Variants in ARHGEF11 observed in about 807,000 individuals in gnomAD.
ARHGEF11 encodes the protein Rho guanine nucleotide exchange factor 11, also known as Rho guanine exchange factor (GEF) 11.
ARHGEF11 carries 55 observed loss-of-function variants against 193.7 expected under a neutral mutation model. That is an observed-to-expected ratio of 0.28 (90% CI 0.23 to 0.36). The LOEUF (loss-of-function observed/expected upper bound fraction) is 0.36. Among genes scored for constraint, ARHGEF11 ranks in the 10% least tolerant of loss-of-function variants. ARHGEF11 has a pLI of 1.00. For missense variants in ARHGEF11, 1,723 were observed against 2,005.6 expected (o/e 0.86, Z 2.69); for synonymous variants, 693 against 768.0 (o/e 0.90, Z 1.62).
intron 1 of ARHGEF11, among the ~76,000 whole-genome samples, chr1:157,012,983 G>A (rs1472896183): frequency 3.3e-5 from 5 of 152,108 alleles, no homozygotes; most frequent in Admixed American, 2.0e-4. Flanking sequence ...GTGCAAAGTC[G>A]TTGCAGGTCT....
chr1:156,937,012 G>T lies in ARHGEF11; in HGVS notation c.4441-7C>A. On this transcript the variant is annotated splice_polypyrimidine_tract_variant and splice_region_variant and intron_variant, in intron 39 of 40. Transcript: ENST00000368194. The stretch of plus-strand genomic sequence containing the variant: ...TGTGGGCCAGCTCCATATCCTGGAA[G>T]AGTCGGCGGGGGAATGTCTGCTCGA... 2 of 1,610,902 alleles carry T rather than the reference G, an allele frequency of 1.2e-6. No homozygotes were observed. Among genetic ancestry groups the T allele is most frequent in the Non-Finnish European group, 8.5e-7 (1 of 1,177,360 alleles).
At chr1:156,953,920 G>A (rs567504884) in intron 21 of ARHGEF11, among the ~76,000 whole-genome samples, 1 of 152,284 alleles carries the variant, frequency 6.6e-6, no homozygotes, top group East Asian at 1.9e-4. Flanking sequence ...GTTATACAGT[G>A]CTGGCAGTCA....
chr1:156,961,353 T>C (rs996380130), intron 14 of ARHGEF11, among the ~76,000 whole-genome samples: 3 of 152,216 alleles, frequency 2.0e-5, no homozygotes, highest in African/African-American at 7.2e-5. Flanking sequence ...CCTCTGTTTC[T>C]TCGGCCTAGG....
chr1:156,963,040 C>G (rs996993530), intron 13 of ARHGEF11, among the ~76,000 whole-genome samples, 163 bp downstream of exon 13: 3 of 152,128 alleles, frequency 2.0e-5, no homozygotes, highest in African/African-American at 7.2e-5. Flanking sequence ...GAAAAATCCC[C>G]TCTCCATAGG....
chr1:156,940,964 C>G (rs1376260869), intron 35 of ARHGEF11, among the ~76,000 whole-genome samples: 2 of 152,194 alleles, frequency 1.3e-5, no homozygotes, highest in Non-Finnish European at 2.9e-5. Flanking sequence ...CCAATCCCAT[C>G]ACAGTAACTG....
At chr1:156,971,619 C>G in intron 8 of ARHGEF11, 78 bp downstream of exon 8, 1 of 1,532,750 alleles carries the variant, frequency 6.5e-7, no homozygotes, top group African/African-American at 1.4e-5. Context: ...AAGAAGCCTT[C>G]TGTCCTTGCT....
chr1:157,027,358 G>A (rs1670772049), intron 1 of ARHGEF11, among the ~76,000 whole-genome samples: 1 of 152,134 alleles, frequency 6.6e-6, no homozygotes, highest in Admixed American at 6.6e-5. Context: ...CTCCAGTCTG[G>A]GTGACAGAGT....
In ARHGEF11 at chr1:156,939,559, A is replaced by C. The variant is rs1656339508; in HGVS notation, c.4085T>G (p.Val1362Gly). 1 of 1,611,316 alleles carries C rather than the reference A, an allele frequency of 6.2e-7. No homozygotes were observed. Among genetic ancestry groups the C allele is most frequent in the African/African-American group, 1.3e-5 (1 of 74,818 alleles). ...CCCATTTATTTTACCTTTTCTCACA[A>C]CTTTGTAACCTCCTGCTGCCTCTGT... ...SSTEAAGGYK[V>G]VRKAEVAGSK... The change falls in exon 37 of 41, where the codon GTT becomes GGT. Residue 1362 changes from valine (V) to glycine (G), a missense_variant. Transcript: ENST00000368194.
intron 1 of ARHGEF11, among the ~76,000 whole-genome samples, chr1:156,989,408 G>A (rs1417641778): frequency 1.3e-5 from 2 of 152,030 alleles, no homozygotes; most frequent in African/African-American, 2.4e-5. Flanking sequence ...CACCACCACA[G>A]ACTAACTTAC....
chr1:156,988,718 T>G (rs547088693), intron 1 of ARHGEF11, among the ~76,000 whole-genome samples: 1 of 152,256 alleles, frequency 6.6e-6, no homozygotes, highest in African/African-American at 2.4e-5. Context: ...ACCAAAAGTT[T>G]CTCTAAAATA....
chr1:157,043,981 C>G (rs529916506), intron 1 of ARHGEF11, among the ~76,000 whole-genome samples: 1 of 152,320 alleles, frequency 6.6e-6, no homozygotes, highest in Admixed American at 6.5e-5. Flanking sequence ...CTTGCCCCCA[C>G]CTGAGACTAG....
In ARHGEF11 at chr1:157,045,361, A is replaced by T. The variant is rs1673210081; in HGVS notation, c.-1031T>A. On this transcript the variant is annotated 5_prime_UTR_variant, in exon 1 of 41. Transcript: ENST00000368194. ...TCTTGCCTCAGCCTCCATGAAACGG[A>T]GATTTCGCTTCCTCCCGTTCCCCCT... 1 of 152,252 alleles carries T rather than the reference A, an allele frequency of 6.6e-6. No individual in the cohort carries two copies. Among genetic ancestry groups the T allele is most frequent in the African/African-American group, 2.4e-5 (1 of 41,420 alleles). 9.4% of individuals were successfully genotyped at this position (152,252 alleles called of 1,614,324 possible). A position where few individuals can be genotyped will look rare whatever the true frequency, so the allele number is the denominator to read the frequency against.
rs574887302 is a variant in ARHGEF11, at chr1:156,948,089, A to G, written c.2153+92T>C. ...AGTGGGCCCAGAAGAGGAGACAGCC[A>G]CCCAACCAGCCCCTTGCAGGTGAGA... On this transcript the variant is annotated intron_variant, in intron 24 of 40. Transcript: ENST00000368194. This position sits in a 1 kb window ranked among gnomAD's most constrained non-coding sequence, Gnocchi z 4.2. The G allele has an allele frequency of 6.5e-7, 1 of 1,538,400 alleles. No individual in the cohort carries two copies. Among genetic ancestry groups the G allele is most frequent in the East Asian group, 2.3e-5 (1 of 43,934 alleles).
intron 1 of ARHGEF11, among the ~76,000 whole-genome samples, chr1:157,003,152 T>C (rs999764089): frequency 1.3e-5 from 2 of 152,230 alleles, no homozygotes; most frequent in African/African-American, 4.8e-5. Flanking sequence ...AATGTTGCCA[T>C]TTTACAGATA....
chr1:157,043,959 T>C (rs1315632146), intron 1 of ARHGEF11, among the ~76,000 whole-genome samples: 1 of 152,110 alleles, frequency 6.6e-6, no homozygotes, highest in African/African-American at 2.4e-5. Flanking sequence ...CCCTAGGAGC[T>C]CACAAGACTG....
At chr1:157,017,742 AGAG>A (rs1274741556) in intron 1 of ARHGEF11, among the ~76,000 whole-genome samples, 1 of 151,214 alleles carries the variant, frequency 6.6e-6, no homozygotes, top group African/African-American at 2.4e-5. Flanking sequence ...GAAACGGAGA[AGAG>A]GATTTAATAA....
intron 13 of ARHGEF11, among the ~76,000 whole-genome samples, chr1:156,962,290 C>T (rs554592327): frequency 3.8e-4 from 58 of 152,200 alleles, no homozygotes; most frequent in African/African-American, 1.3e-3. Flanking sequence ...CTGATGGTAT[C>T]CCCAGAAAGA....
At chr1:156,969,202 C>G in intron 10 of ARHGEF11, 80 bp downstream of exon 10, 1 of 1,175,908 alleles carries the variant, frequency 8.5e-7, no homozygotes, top group Non-Finnish European at 1.2e-6. Context: ...CTCAGTGCAG[C>G]TGGTAGGCAG....
At chr1:156,987,125 G>A (rs887182621) in intron 1 of ARHGEF11, among the ~76,000 whole-genome samples, 1 of 152,222 alleles carries the variant, frequency 6.6e-6, no homozygotes, top group African/African-American at 2.4e-5. Flanking sequence ...TTGGAAAAGT[G>A]TACAAGTTGC....
Sources: allele counts gnomAD v4.1 joint callset (sites outside exome capture counted in the v4.1 genomes callset), GRCh38; gene constraint gnomAD v4.1.1; non-coding constraint Gnocchi (gnomAD v3.1); transcripts MANE v1.5; gene names NCBI Gene and HGNC (gene_info 2026-07-23, HGNC 2026-07-21).